The following TET3 variants were observed in gnomAD, a reference collection of about 807,000 sequenced individuals.
TET3 encodes the protein tet methylcytosine dioxygenase 3, also known as methylcytosine dioxygenase TET3.
Under a neutral mutation model 141.4 loss-of-function variants are expected in TET3, and 19 were observed. That is an observed-to-expected ratio of 0.13 (90% CI 0.09 to 0.20). The LOEUF is 0.20. Ranked by LOEUF, TET3 falls within the 10% of genes least tolerant of loss-of-function variation. The pLI is 1.00. For missense variants in TET3, 1,874 were observed against 2,356.9 expected, an observed-to-expected ratio of 0.80 and a Z score of 4.24; for synonymous variants, 1,043 against 980.9, an observed-to-expected ratio of 1.06 and a Z score of -1.18.
intron 4 of TET3, among the ~76,000 whole-genome samples, chr2:74,051,294 C>G (rs79901314): frequency 6.6e-6 from 1 of 152,200 alleles, no homozygotes; most frequent in Non-Finnish European, 1.5e-5. Flanking sequence ...GAAACCAGAC[C>G]TCCAGGAACT....
At chr2:74,090,332 C>T (rs925491305) in intron 8 of TET3, among the ~76,000 whole-genome samples, 12 of 152,204 alleles carry the variant, frequency 7.9e-5, no homozygotes, top group Admixed American at 7.2e-4. Context: ...ATATTCAAAT[C>T]GCTTGTCAGA....
intron 3 of TET3, among the ~76,000 whole-genome samples, chr2:74,027,775 A>G (rs573671338): frequency 2.4e-4 from 37 of 152,264 alleles, no homozygotes; most frequent in Admixed American, 8.5e-4. Context: ...GTCACTGGAC[A>G]TGTAGGTTAT....
intron 2 of TET3, among the ~76,000 whole-genome samples, chr2:73,999,203 G>T (rs57602370): frequency 6.6e-6 from 1 of 152,162 alleles, no homozygotes; most frequent in African/African-American, 2.4e-5. Flanking sequence ...TATGAAAATC[G>T]TAGAGCAACA....
At position 74,101,674 on chromosome 2, in the gene TET3, G is replaced by A; in HGVS notation, c.4886G>A (p.Gly1629Asp). 3 of 1,613,684 alleles carry A rather than the reference G, an allele frequency of 1.9e-6. No individual in the cohort carries two copies. Among genetic ancestry groups the A allele is most frequent in the Non-Finnish European group, 2.5e-6 (3 of 1,179,856 alleles). ...KGAVKEEKGG[G>D]GAEEEEEELW... ...GCGGTGAAGGAGGAGAAGGGCGGTG[G>A]TGGTGCGGAGGAGGAAGAGGAGGAG... Residue 1629 changes from glycine to aspartate, a missense_variant, in exon 12 of 12, where the codon GGT becomes GAT. Coordinates refer to ENST00000409262, the MANE Select transcript of TET3 (RefSeq NM_001287491.2). The surrounding 1 kb of genome is among the most constrained non-coding windows in gnomAD (Gnocchi z 8.5).
At chr2:74,010,084 G>C (rs903676987) in intron 3 of TET3, among the ~76,000 whole-genome samples, 6 of 152,236 alleles carry the variant, frequency 3.9e-5, no homozygotes, top group African/African-American at 1.4e-4. Context: ...TCCAGCTGTG[G>C]GTTCCCAGAG....
intron 3 of TET3, among the ~76,000 whole-genome samples, chr2:74,034,244 AT>A (rs1176645492): frequency 6.8e-6 from 1 of 146,112 alleles, no homozygotes; most frequent in Non-Finnish European, 1.5e-5. Context: ...TGGCTGTATT[AT>A]AGTTTTTTTT....
intron 3 of TET3, among the ~76,000 whole-genome samples, chr2:74,013,219 C>A (rs1192805767): frequency 6.6e-6 from 1 of 151,996 alleles, no homozygotes; most frequent in Non-Finnish European, 1.5e-5. Context: ...TGGTCTCGAT[C>A]TCCTGACCTC....
In TET3 at chr2:74,093,225, A is replaced by G. The variant is rs1485904767; in HGVS notation, c.3129+234A>G. 6.6e-6 allele frequency among the ~76,000 whole-genome samples: 1 copy of G among 152,112 alleles called. No individual in the cohort carries two copies. Among genetic ancestry groups the G allele is most frequent in the Non-Finnish European group, 1.5e-5 (1 of 68,008 alleles). On this transcript the variant is annotated intron_variant, in intron 9 of 11. Transcript: ENST00000409262. This position sits in a 1 kb window ranked among gnomAD's most constrained non-coding sequence, Gnocchi z 4.2. ...GTCTTCTCCCTTCCCCTGGTAACCCATCCACCTCCTCTGGTCTGGTATCCA... is the reference window on the plus strand; with the variant it reads ...GTCTTCTCCCTTCCCCTGGTAACCCGTCCACCTCCTCTGGTCTGGTATCCA...
chr2:74,077,466 GCTAT>G (rs1175920084), intron 5 of TET3, among the ~76,000 whole-genome samples: 1 of 152,162 alleles, frequency 6.6e-6, no homozygotes, highest in African/African-American at 2.4e-5. Context: ...AAGATTTCAG[GCTAT>G]CTATGCAGAC....
chr2:74,063,745 A>G (rs1250452107), intron 4 of TET3, among the ~76,000 whole-genome samples: 1 of 152,098 alleles, frequency 6.6e-6, no homozygotes, highest in Non-Finnish European at 1.5e-5. Flanking sequence ...AACATACCAT[A>G]TTGTGCAGTT....
downstream of TET3, among the ~76,000 whole-genome samples, chr2:74,110,280 A>G (rs111432104): frequency 9.3e-4 from 140 of 151,078 alleles, 1 homozygote; most frequent in African/African-American, 3.1e-3. Context: ...TGTTTAACCC[A>G]CTCTCCCTGC....
chr2:74,019,095 C>T (rs1685891116), intron 3 of TET3, among the ~76,000 whole-genome samples: 1 of 151,896 alleles, frequency 6.6e-6, no homozygotes, highest in South Asian at 2.1e-4. Context: ...CTCATCTCTA[C>T]AAAAAATAAA....
chr2:74,086,675 G>A (rs1247263638), intron 6 of TET3, among the ~76,000 whole-genome samples: 2 of 151,294 alleles, frequency 1.3e-5, no homozygotes, highest in South Asian at 2.1e-4. Flanking sequence ...CTGTAGTCCC[G>A]GGTACTCAAG....
chr2:73,992,375 G>A (rs549502232), intron 2 of TET3, among the ~76,000 whole-genome samples: 54 of 147,514 alleles, frequency 3.7e-4, no homozygotes, highest in Non-Finnish European at 5.9e-4. Flanking sequence ...CTGCAATGGC[G>A]TGATCTTAGC....
intron 2 of TET3, among the ~76,000 whole-genome samples, chr2:73,994,935 C>T (rs1451968822): frequency 6.6e-6 from 1 of 151,330 alleles, no homozygotes; most frequent in African/African-American, 2.4e-5. Context: ...CTGTCCTGGC[C>T]TATCAGGTCT....
intron 2 of TET3, among the ~76,000 whole-genome samples, chr2:73,989,290 A>G (rs552596032): frequency 3.0e-4 from 45 of 152,240 alleles, no homozygotes; most frequent in Non-Finnish European, 5.3e-4. Context: ...GCAGTATCCT[A>G]GGATCCTCTC....
At chr2:74,061,215 C>T (rs1242915312) in intron 4 of TET3, among the ~76,000 whole-genome samples, 37 of 147,662 alleles carry the variant, frequency 2.5e-4, no homozygotes, top group Non-Finnish European at 4.5e-4. Flanking sequence ...ACCTCCCTCC[C>T]GGACGGGGTG....
chr2:74,071,610 A>G lies in TET3; in HGVS notation c.2495-1939A>G, dbSNP rs1689206816. 2.0e-5 allele frequency among the ~76,000 whole-genome samples: 3 copies of G among 152,250 alleles called. 1 individual carries two copies. In the South Asian group the frequency reaches 6.2e-4, roughly 31 times the overall value. Reference sequence around the variant, plus strand: ...AAAATGAAGAAATTAACGTTGGTACAATACTGTTAACTACAGACTTTTTGG... The same window carrying G: ...AAAATGAAGAAATTAACGTTGGTACGATACTGTTAACTACAGACTTTTTGG... On this transcript the variant is annotated intron_variant, in intron 4 of 11. Transcript: ENST00000409262.
intron 2 of TET3, among the ~76,000 whole-genome samples, chr2:73,998,129 T>C (rs888411945): frequency 6.6e-6 from 1 of 151,964 alleles, no homozygotes; most frequent in African/African-American, 2.4e-5. Context: ...ATCCTAGAGG[T>C]GGAAGGTCAG....
Sources: allele counts gnomAD v4.1 joint callset (sites outside exome capture counted in the v4.1 genomes callset), GRCh38; gene constraint gnomAD v4.1.1; non-coding constraint Gnocchi (gnomAD v3.1); transcripts MANE v1.5; gene names NCBI Gene and HGNC (gene_info 2026-07-23, HGNC 2026-07-21).